The following GRID2 variants were observed in gnomAD, a reference collection of about 807,000 sequenced individuals.
The protein encoded by GRID2 is glutamate receptor ionotropic, delta-2.
In GRID2, 33 loss-of-function variants were observed where a neutral mutation model predicts 114.8. The observed-to-expected ratio is 0.29, with a 90% CI of 0.22 to 0.38. GRID2 has a LOEUF of 0.38. Among genes scored for constraint, GRID2 ranks in the 10% least tolerant of loss-of-function variants. The probability of loss-of-function intolerance (pLI) is 1.00; values close to 1 mark genes in which losing one functional copy is unlikely to be tolerated. For synonymous variants in GRID2, 505 were observed against 449.9 expected, an observed-to-expected ratio of 1.12 and a Z score of -1.55; for missense variants, 1,184 against 1,257.7, an observed-to-expected ratio of 0.94 and a Z score of 0.89.
chr4:92,517,775 C>T (rs1724572035), intron 1 of GRID2, among the ~76,000 whole-genome samples: 1 of 151,850 alleles, frequency 6.6e-6, no homozygotes, highest in South Asian at 2.1e-4. Context: ...AATATTAATA[C>T]ATCTCACTTG....
chr4:93,363,832 T>A (rs536421262), intron 8 of GRID2, among the ~76,000 whole-genome samples: 1 of 151,850 alleles, frequency 6.6e-6, no homozygotes, highest in African/African-American at 2.4e-5. Flanking sequence ...AAATATTAGT[T>A]AATAGAAAAT....
chr4:93,443,162 A>G (rs933047051), intron 10 of GRID2, among the ~76,000 whole-genome samples: 3 of 151,982 alleles, frequency 2.0e-5, no homozygotes, highest in African/African-American at 4.8e-5. Flanking sequence ...TAAAAAATCT[A>G]TTTTTAACAG....
intron 2 of GRID2, among the ~76,000 whole-genome samples, chr4:92,683,037 C>T (rs1733722903): frequency 6.6e-6 from 1 of 152,120 alleles, no homozygotes; most frequent in African/African-American, 2.4e-5. Context: ...CGGTGGCTCA[C>T]ACCTGTAATC....
chr4:92,627,161 TATCAAGGACC>T, intron 2 of GRID2, among the ~76,000 whole-genome samples: 1 of 152,044 alleles, frequency 6.6e-6, no homozygotes, highest in South Asian at 2.1e-4. Flanking sequence ...CATGAGAGAT[TATCAAGGACC>T]TAGAGATCTA....
At chr4:93,594,752 G>C (rs13120805) in intron 13 of GRID2, among the ~76,000 whole-genome samples, 14 of 150,610 alleles carry the variant, frequency 9.3e-5, no homozygotes, top group South Asian at 2.1e-4. Context: ...ATATAATCTC[G>C]TGGTGCGCCG....
intron 8 of GRID2, among the ~76,000 whole-genome samples, chr4:93,244,592 CTATTATA>C (rs1381629085): frequency 7.3e-5 from 2 of 27,314 alleles, no homozygotes; most frequent in Non-Finnish European, 1.5e-4. Flanking sequence ...ATTATATAAT[CTATTATA>C]TATTAATTAA....
intron 4 of GRID2, chr4:93,166,201 GT>G (rs1402249655): frequency 6.6e-6 from 1 of 152,168 alleles, no homozygotes; most frequent in East Asian, 1.9e-4. Context: ...GTAGTGGACT[GT>G]AATTTGTTAG....
intron 2 of GRID2, among the ~76,000 whole-genome samples, chr4:93,030,956 T>C (rs1724364889): frequency 6.6e-6 from 1 of 151,744 alleles, no homozygotes; most frequent in South Asian, 2.1e-4. Flanking sequence ...TTTCTTGTTA[T>C]GAGCATTTAT....
At chr4:92,415,649 A>G (rs1731557868) in intron 1 of GRID2, among the ~76,000 whole-genome samples, 1 of 148,710 alleles carries the variant, frequency 6.7e-6, no homozygotes, top group Non-Finnish European at 1.5e-5. Context: ...TCACTATTTC[A>G]TTCCATTTTA....
At chr4:92,995,723 C>G (rs1270049233) in intron 2 of GRID2, among the ~76,000 whole-genome samples, 1 of 152,128 alleles carries the variant, frequency 6.6e-6, no homozygotes, top group African/African-American at 2.4e-5. Flanking sequence ...GAAATGACTA[C>G]TATTGCTACA....
At chr4:92,923,484 T>C (rs1749533805) in intron 2 of GRID2, among the ~76,000 whole-genome samples, 2 of 152,020 alleles carry the variant, frequency 1.3e-5, no homozygotes, top group Non-Finnish European at 2.9e-5. Flanking sequence ...ATAGTACTAA[T>C]ACCATATTTA....
At chr4:93,248,402 A>G (rs1056758710) in intron 8 of GRID2, among the ~76,000 whole-genome samples, 1 of 152,160 alleles carries the variant, frequency 6.6e-6, no homozygotes, top group Non-Finnish European at 1.5e-5. Flanking sequence ...GAGAGACTCA[A>G]AGAGTAAGCC....
At chr4:93,103,797 C>T (rs1219701895) in intron 3 of GRID2, among the ~76,000 whole-genome samples, 1 of 150,994 alleles carries the variant, frequency 6.6e-6, no homozygotes, top group Admixed American at 6.6e-5. Flanking sequence ...GCACTGGTTC[C>T]CAAATAGTCT....
chr4:93,187,932 C>T (rs1008759622), intron 4 of GRID2, among the ~76,000 whole-genome samples: 4 of 152,204 alleles, frequency 2.6e-5, no homozygotes, highest in African/African-American at 9.6e-5. Context: ...AGCATCGGGC[C>T]CCCAAGTTTC....
intron 2 of GRID2, among the ~76,000 whole-genome samples, chr4:92,977,217 CAGG>C (rs1457800973): frequency 6.6e-6 from 1 of 152,088 alleles, no homozygotes; most frequent in African/African-American, 2.4e-5. Flanking sequence ...GTGCGATTAA[CAGG>C]AGAAGTTGTG....
At chr4:92,954,236 T>A (rs1357747291) in intron 2 of GRID2, among the ~76,000 whole-genome samples, 1 of 151,000 alleles carries the variant, frequency 6.6e-6, no homozygotes, top group Non-Finnish European at 1.5e-5. Flanking sequence ...TACACACACA[T>A]ATATATATAC....
At chr4:92,453,506 T>C (rs563862503) in intron 1 of GRID2, among the ~76,000 whole-genome samples, 1 of 152,282 alleles carries the variant, frequency 6.6e-6, no homozygotes, top group South Asian at 2.1e-4. Context: ...CCGATGTATA[T>C]TTATTGCACC....
At chr4:93,386,739 G>T (rs971228336) in intron 8 of GRID2, among the ~76,000 whole-genome samples, 3 of 152,066 alleles carry the variant, frequency 2.0e-5, no homozygotes, top group African/African-American at 7.2e-5. Flanking sequence ...GGCAGGAGAA[G>T]AAGCAAGGGG....
At chr4:93,043,722 T>C (rs1002328207) in intron 2 of GRID2, among the ~76,000 whole-genome samples, 4 of 151,642 alleles carry the variant, frequency 2.6e-5, no homozygotes, top group African/African-American at 9.7e-5. Flanking sequence ...ATGAGAACAG[T>C]TGGACACAGG....
Sources: allele counts gnomAD v4.1 joint callset (sites outside exome capture counted in the v4.1 genomes callset), GRCh38; gene constraint gnomAD v4.1.1; transcripts MANE v1.5; gene names NCBI Gene and HGNC (gene_info 2026-07-23, HGNC 2026-07-21).